The following TOGARAM2 variants were observed in gnomAD, a reference collection of about 807,000 sequenced individuals.
The protein encoded by TOGARAM2 is TOG array regulator of axonemal microtubules 2.
A neutral mutation model predicts 93.3 loss-of-function variants in TOGARAM2; 85 were observed. That is an observed-to-expected ratio of 0.91 (90% CI 0.76 to 1.09). The LOEUF (loss-of-function observed/expected upper bound fraction) is 1.09. Ranked by LOEUF, TOGARAM2 falls within the 50% of genes least tolerant of loss-of-function variation. TOGARAM2 has a pLI of 0.00. For missense variants in TOGARAM2, 1,277 were observed against 1,334.5 expected (o/e 0.96, Z 0.67); for synonymous variants, 593 against 552.8 (o/e 1.07, Z -1.02).
At chr2:28,976,581 T>C (rs995912704), upstream of TOGARAM2, among the ~76,000 whole-genome samples, 9 of 152,074 alleles carry the variant, frequency 5.9e-5, no homozygotes, top group Admixed American at 5.9e-4. Context: ...CCATGTGAGA[T>C]GAGGGGTTGG....
chr2:29,012,513 C>T (rs976536728), intron 7 of TOGARAM2, among the ~76,000 whole-genome samples: 3 of 152,242 alleles, frequency 2.0e-5, no homozygotes, highest in South Asian at 2.1e-4. Flanking sequence ...ACCCGGAGGA[C>T]GCTGGTGTGG....
At chr2:28,990,713 G>C (rs1419484385) in intron 1 of TOGARAM2, among the ~76,000 whole-genome samples, 11 of 152,212 alleles carry the variant, frequency 7.2e-5, no homozygotes, top group African/African-American at 2.4e-4. Flanking sequence ...CTCTGTAGCA[G>C]GGTTACTTTG....
At chr2:29,044,578 C>A (rs886326155) in intron 18 of TOGARAM2, among the ~76,000 whole-genome samples, 1 of 152,052 alleles carries the variant, frequency 6.6e-6, no homozygotes, top group East Asian at 1.9e-4. Context: ...CTCAGACCTG[C>A]AGGCTTTTGG....
At chr2:29,023,021 T>A in intron 11 of TOGARAM2, 65 bp from the exon 12 acceptor site, 1 of 1,433,422 alleles carries the variant, frequency 7.0e-7, no homozygotes, top group Non-Finnish European at 9.6e-7. Context: ...GGGCCCCTAG[T>A]CTGCAGAGGG....
At chr2:29,027,749 C>G (rs184277288) in intron 14 of TOGARAM2, among the ~76,000 whole-genome samples, 1 of 152,104 alleles carries the variant, frequency 6.6e-6, no homozygotes, top group Non-Finnish European at 1.5e-5. Flanking sequence ...GTTCAGAGAA[C>G]CTTTTTTAAG....
intron 7 of TOGARAM2, among the ~76,000 whole-genome samples, chr2:29,011,980 AGG>A (rs959636355): frequency 6.6e-6 from 1 of 152,224 alleles, no homozygotes; most frequent in Admixed American, 6.5e-5. Context: ...AGAGAATGAG[AGG>A]GTAAACCAGA....
chr2:29,004,601 C>T (rs1673511276), intron 6 of TOGARAM2, among the ~76,000 whole-genome samples: 1 of 151,902 alleles, frequency 6.6e-6, no homozygotes, highest in African/African-American at 2.4e-5. Flanking sequence ...TTTGTGTGTG[C>T]ACACATGTAT....
intron 1 of TOGARAM2, among the ~76,000 whole-genome samples, chr2:28,975,211 C>CA (rs1672008912): frequency 6.6e-6 from 1 of 151,298 alleles, no homozygotes; most frequent in Non-Finnish European, 1.5e-5. Context: ...TTTTTTGAGA[C>CA]AGAGTCTCAC....
At chr2:29,019,168 CAACT>C (rs1664774582) in intron 10 of TOGARAM2, among the ~76,000 whole-genome samples, 1 of 147,890 alleles carries the variant, frequency 6.8e-6, no homozygotes, top group African/African-American at 2.5e-5. Flanking sequence ...GTATATAACC[CAACT>C]GACTCTTTTT....
At chr2:28,970,057 C>A (rs549097003) in intron 1 of TOGARAM2, among the ~76,000 whole-genome samples, 1 of 152,128 alleles carries the variant, frequency 6.6e-6, no homozygotes, top group Non-Finnish European at 1.5e-5. Flanking sequence ...GTGATCCGCC[C>A]GCCTTGGCCT....
chr2:29,033,285 C>A, intron 15 of TOGARAM2, 184 bp from the exon 16 acceptor site: 1 of 688,874 alleles, frequency 1.5e-6, no homozygotes, highest in Non-Finnish European at 2.4e-6. Flanking sequence ...ATGCCTTCAT[C>A]TGTTAACCAG....
At chr2:28,990,989 A>C (rs1460850174) in intron 1 of TOGARAM2, among the ~76,000 whole-genome samples, 1 of 48,522 alleles carries the variant, frequency 2.1e-5, no homozygotes. Context: ...GTGTGTGTGA[A>C]GGGTGTGTGT....
intron 4 of TOGARAM2, among the ~76,000 whole-genome samples, chr2:29,000,919 G>A (rs1391009056): frequency 1.3e-5 from 2 of 152,206 alleles, no homozygotes; most frequent in African/African-American, 4.8e-5. Flanking sequence ...CTCTCCCTTA[G>A]GGGCTTGAAG....
chr2:29,005,082 GTA>G lies in TOGARAM2; in HGVS notation c.830+1402_830+1403del, dbSNP rs571238939. ...TGTGTGAGTGCATGTGTGTGCATGT[GTA>G]TGTGTGAGTGCATGTTGTGAGTGCA... On this transcript the variant is annotated intron_variant, in intron 6 of 19. Transcript: ENST00000379558. Among the ~76,000 whole-genome samples, 155 of 98,980 alleles carry G rather than the reference GTA, an allele frequency of 1.6e-3. 4 individuals carry two copies. Among genetic ancestry groups the G allele is most frequent in the Admixed American group, 2.4e-3 (22 of 9,044 alleles). The allele number at this position is 98,980 out of a possible 152,430, so 64.9% of individuals were successfully genotyped here.
rs569328092 is a variant in TOGARAM2, at chr2:28,958,614, T to C, written c.-147+1917T>C. Among the ~76,000 whole-genome samples the C allele has an allele frequency of 2.6e-5, 4 of 152,292 alleles. No homozygotes were observed. The East Asian group carries it at 7.7e-4, about 29-fold the overall frequency. On this transcript the variant is annotated intron_variant, in intron 1 of 6. Coordinates refer to the TOGARAM2 transcript ENST00000401723. ...ACTACAGCGGGCTGACATTCCATTTTTGGATTTTGGAGTGCACACGTGTGT... is the reference window on the plus strand; with the variant it reads ...ACTACAGCGGGCTGACATTCCATTTCTGGATTTTGGAGTGCACACGTGTGT...
At chr2:28,986,814 G>A (rs1033534965) in intron 1 of TOGARAM2, among the ~76,000 whole-genome samples, 40 of 152,222 alleles carry the variant, frequency 2.6e-4, no homozygotes, top group Admixed American at 2.0e-4. Flanking sequence ...AGCCACTGTG[G>A]ATCGAGCCCT....
chr2:28,976,295 T>C (rs974597641), intron 1 of TOGARAM2, among the ~76,000 whole-genome samples: 17 of 152,268 alleles, frequency 1.1e-4, no homozygotes, highest in South Asian at 4.1e-4. Flanking sequence ...GGCGTGAACC[T>C]GGAAGGCGGA....
intron 6 of TOGARAM2, among the ~76,000 whole-genome samples, chr2:29,007,999 A>G (rs957707869): frequency 1.3e-5 from 2 of 152,088 alleles, no homozygotes; most frequent in African/African-American, 4.8e-5. Context: ...AAGGGCGGCA[A>G]GGAGGGGAAG....
chr2:29,045,234 C>A, intron 18 of TOGARAM2, 90 bp from the exon 19 acceptor site: 1 of 982,812 alleles, frequency 1.0e-6, no homozygotes, highest in Non-Finnish European at 1.6e-6. Context: ...CATCCCCTTG[C>A]AGGTACTGTG....
Sources: allele counts gnomAD v4.1 joint callset (sites outside exome capture counted in the v4.1 genomes callset), GRCh38; gene constraint gnomAD v4.1.1; transcripts MANE v1.5; gene names NCBI Gene and HGNC (gene_info 2026-07-23, HGNC 2026-07-21).